Variants in RFX4 observed in about 807,000 individuals in gnomAD.
The protein encoded by RFX4 is regulatory factor X4.
In RFX4, 10 loss-of-function variants were observed where a neutral mutation model predicts 95.0. That is an observed-to-expected ratio of 0.11 (90% CI 0.06 to 0.18). RFX4 has a LOEUF of 0.18. RFX4 is among the 10% of genes least tolerant of loss of function. RFX4 has a pLI of 1.00. For missense variants in RFX4, 640 were observed against 922.0 expected, an observed-to-expected ratio of 0.69 and a Z score of 3.96; for synonymous variants, 321 against 340.7, an observed-to-expected ratio of 0.94 and a Z score of 0.64.
chr12:106,699,757 TTGTC>T (rs2041950029), intron 8 of RFX4, among the ~76,000 whole-genome samples: 1 of 152,172 alleles, frequency 6.6e-6, no homozygotes. Context: ...CCCTGTTAAT[TTGTC>T]TTTATATTTG....
chr12:106,612,550 C>T (rs2039982027), intron 2 of RFX4, among the ~76,000 whole-genome samples: 1 of 151,968 alleles, frequency 6.6e-6, no homozygotes, highest in Non-Finnish European at 1.5e-5. Context: ...CATATAAGAT[C>T]ATTTCGGCCA....
At chr12:106,756,306 A>G (rs1293230092) in intron 17 of RFX4, among the ~76,000 whole-genome samples, 1 of 152,234 alleles carries the variant, frequency 6.6e-6, no homozygotes, top group Non-Finnish European at 1.5e-5. Context: ...GCCTCATTCA[A>G]TACATGTTCA....
chr12:106,620,102 A>C (rs377723542), intron 2 of RFX4, among the ~76,000 whole-genome samples: 1 of 151,942 alleles, frequency 6.6e-6, no homozygotes, highest in African/African-American at 2.4e-5. Context: ...ATCTATTTCT[A>C]TTATCTGGCT....
At chr12:106,684,778 C>T (rs2137410181) in intron 5 of RFX4, 1 of 1,483,590 alleles carries the variant, frequency 6.7e-7, no homozygotes. Flanking sequence ...AGACTTCGCT[C>T]AGCACAAAGA....
At chr12:106,648,488 GT>G (rs543146932) in intron 3 of RFX4, among the ~76,000 whole-genome samples, 265 of 145,628 alleles carry the variant, frequency 1.8e-3, no homozygotes, top group Non-Finnish European at 1.8e-3. Context: ...CTTAGCAAGG[GT>G]TTTTTTTTTT....
intron 15 of RFX4, among the ~76,000 whole-genome samples, chr12:106,742,943 C>T (rs2042831376): frequency 1.3e-5 from 2 of 152,186 alleles, no homozygotes. Context: ...TACTGATTGT[C>T]TATTATATTC....
At chr12:106,598,737 TA>T (rs2039656024) in intron 1 of RFX4, among the ~76,000 whole-genome samples, 1 of 151,918 alleles carries the variant, frequency 6.6e-6, no homozygotes, top group African/African-American at 2.4e-5. Flanking sequence ...GAGGTAAAAA[TA>T]AAATAAAAAC....
At chr12:106,585,970 T>C (rs4964471) in intron 1 of RFX4, 137,260 of 152,306 alleles carry the variant, frequency 0.9, 61,988 homozygotes, top group East Asian at 0.96. Flanking sequence ...TTCCGCACAC[T>C]GAGCCAGTAA....
At position 106,737,162 on chromosome 12, in the gene RFX4, GTTTTTTTTTTTTTTTTTTTTTT is replaced by G. The variant is rs556116618; in HGVS notation, c.1633+4096_1633+4117del. Among the ~76,000 whole-genome samples the G allele has an allele frequency of 3.1e-3, 171 of 54,926 alleles. 3 individuals are homozygous for G. Among genetic ancestry groups the G allele is most frequent in the Non-Finnish European group, 4.7e-3 (134 of 28,650 alleles). The allele number at this position is 54,926 out of a possible 152,430, so 36.0% of individuals were successfully genotyped here. On this transcript the variant is annotated intron_variant, in intron 15 of 17. Transcript: ENST00000392842. Reference sequence around the variant, plus strand: ...TTTCCAGAATAGACTCGGAACTAAAGTTTTTTTTTTTTTTTTTTTTTTTTTTTTTTTTTTTTTTTTGAGGACC... The same window carrying G: ...TTTCCAGAATAGACTCGGAACTAAAGTTTTTTTTTTTTTTTTTTGAGGACC...
intron 4 of RFX4, among the ~76,000 whole-genome samples, chr12:106,663,683 T>G (rs2041119694): frequency 1.3e-5 from 2 of 151,898 alleles, no homozygotes; most frequent in African/African-American, 4.8e-5. Flanking sequence ...AGTATAATGT[T>G]AGCTGTAGGT....
intron 2 of RFX4, among the ~76,000 whole-genome samples, chr12:106,620,394 A>G (rs138541108): frequency 6.6e-6 from 1 of 152,304 alleles, no homozygotes; most frequent in East Asian, 1.9e-4. Flanking sequence ...TAGGACCGTG[A>G]TGCCTGCCTG....
chr12:106,657,365 C>T (rs527934539), intron 4 of RFX4, among the ~76,000 whole-genome samples: 1 of 152,232 alleles, frequency 6.6e-6, no homozygotes, highest in East Asian at 1.9e-4. Flanking sequence ...TGAAGCTGTC[C>T]CCCAGGGACA....
chr12:106,596,487 A>T (rs2039622123), intron 1 of RFX4, among the ~76,000 whole-genome samples: 1 of 152,230 alleles, frequency 6.6e-6, no homozygotes, highest in Non-Finnish European at 1.5e-5. Flanking sequence ...AAAAGGAAAC[A>T]AAATTTTATA....
At chr12:106,589,587 T>C (rs2039509754) in intron 1 of RFX4, among the ~76,000 whole-genome samples, 1 of 152,226 alleles carries the variant, frequency 6.6e-6, no homozygotes. Context: ...AACTGGTACA[T>C]GGCAGAGCTA....
chr12:106,594,298 A>G (rs1327764799), intron 1 of RFX4, among the ~76,000 whole-genome samples: 1 of 152,178 alleles, frequency 6.6e-6, no homozygotes, highest in East Asian at 1.9e-4. Context: ...TGGAGAGAAG[A>G]TTTCTAAAGC....
At chr12:106,692,974 A>G (rs1295370116) in intron 7 of RFX4, 5 of 223,834 alleles carry the variant, frequency 2.2e-5, no homozygotes, top group Non-Finnish European at 4.6e-5. Context: ...TTCTGCCCCA[A>G]ATCTGTTTTT....
rs539894328 is a variant in RFX4, at chr12:106,638,210, G to C, written c.131-1122G>C. On this transcript the variant is annotated intron_variant, in intron 2 of 17. Coordinates refer to ENST00000392842, the MANE Select transcript of RFX4 (RefSeq NM_213594.3). Reference sequence around the variant, plus strand: ...TTTAGTACAGACGGGGTTTCACCATGTTAGCCAGGCTGGTCTTGAACTCCT... The same window carrying C: ...TTTAGTACAGACGGGGTTTCACCATCTTAGCCAGGCTGGTCTTGAACTCCT... Among the ~76,000 whole-genome samples, 9 of 152,154 alleles carry C rather than the reference G, an allele frequency of 5.9e-5. No individual in the cohort carries two copies. In the South Asian group the frequency reaches 1.9e-3, roughly 32 times the overall value.
chr12:106,758,916 T>G (rs61943301), intron 17 of RFX4, among the ~76,000 whole-genome samples: 1,893 of 152,324 alleles, frequency 0.012, 20 homozygotes, highest in Middle Eastern at 0.041. Flanking sequence ...TGGGGTTGGA[T>G]CACAGGATCC....
chr12:106,601,085 A>G, intron 1 of RFX4: 1 of 1,350,202 alleles, frequency 7.4e-7, no homozygotes, highest in Non-Finnish European at 9.7e-7. Context: ...AAGCAGAGGC[A>G]GGGCAGGGCC....
Sources: allele counts gnomAD v4.1 joint callset (sites outside exome capture counted in the v4.1 genomes callset), GRCh38; gene constraint gnomAD v4.1.1; transcripts MANE v1.5; gene names NCBI Gene and HGNC (gene_info 2026-07-23, HGNC 2026-07-21).